TBCE: variants seen among roughly 807,000 people sequenced by gnomAD.
The protein encoded by TBCE is tubulin-specific chaperone E.
A neutral mutation model predicts 77.0 loss-of-function variants in TBCE; 53 were observed. That is an observed-to-expected ratio of 0.69 (90% CI 0.55 to 0.87). The LOEUF (loss-of-function observed/expected upper bound fraction) is 0.87, where lower values mean the gene tolerates loss of function less well. Ranked by LOEUF, TBCE falls within the 40% of genes least tolerant of loss-of-function variation. TBCE has a pLI of 0.00. For synonymous variants in TBCE, 235 were observed against 241.3 expected (o/e 0.97, Z 0.24); for missense variants, 624 against 622.4 (o/e 1.00, Z -0.03).
chr1:235,432,514 TCA>T (rs1175869404), intron 7 of TBCE, among the ~76,000 whole-genome samples: 2 of 152,250 alleles, frequency 1.3e-5, no homozygotes, highest in Non-Finnish European at 2.9e-5. Flanking sequence ...GCACTGGGGC[TCA>T]CACCTGCAAT....
At chr1:235,394,082 T>C (rs1481365133) in intron 2 of TBCE, among the ~76,000 whole-genome samples, 1 of 152,134 alleles carries the variant, frequency 6.6e-6, no homozygotes, top group Admixed American at 6.6e-5. Context: ...TTTATTTTTA[T>C]TTATTTTTTT....
Position 235,448,220 on chromosome 1 carries a change from C to CCA in TBCE, c.1400-129_1400-128insCA, listed in dbSNP as rs71576473. ...CTTAAGTAAGTAAGTAAGTCAGTCT[C>CCA]AAAAAAAAAAAAAAAAAAAAGACAG... On this transcript the variant is annotated intron_variant, in intron 15 of 16. Coordinates refer to ENST00000642610, the MANE Select transcript of TBCE (RefSeq NM_003193.5). 17 of 531,028 alleles carry CCA rather than the reference C, an allele frequency of 3.2e-5. No homozygotes were observed. In the African/African-American group the frequency reaches 3.7e-4, roughly 12 times the overall value. 32.9% of individuals were successfully genotyped at this position (531,028 alleles called of 1,614,324 possible). A position where few individuals can be genotyped will look rare whatever the true frequency, so the allele number is the denominator to read the frequency against.
At chr1:235,417,359 A>G (rs187051852) in intron 4 of TBCE, among the ~76,000 whole-genome samples, 1 of 152,354 alleles carries the variant, frequency 6.6e-6, no homozygotes, top group Admixed American at 6.5e-5. Context: ...AGTTCTTTTC[A>G]ATGATGTCAT....
In TBCE at chr1:235,449,019, T is replaced by A; in HGVS notation, c.*257T>A. The A allele has an allele frequency of 2.6e-6, 1 of 387,626 alleles. No individual in the cohort carries two copies. Among genetic ancestry groups the A allele is most frequent in the Non-Finnish European group, 4.9e-6 (1 of 206,098 alleles). The allele number at this position is 387,626 out of a possible 1,614,324, so 24.0% of individuals were successfully genotyped here. A position where few individuals can be genotyped will look rare whatever the true frequency, so the allele number is the denominator to read the frequency against. ...TATTTTTACAGCTCATCACTGCATT[T>A]CATGATAAGATTTAAATATTAAATA... On this transcript the variant is annotated 3_prime_UTR_variant, in exon 17 of 17. Coordinates refer to ENST00000642610, the MANE Select transcript of TBCE (RefSeq NM_003193.5).
chr1:235,430,685 T>C lies in TBCE; in HGVS notation c.561-20T>C. 2 of 1,566,820 alleles carry C rather than the reference T, an allele frequency of 1.3e-6. No homozygotes were observed. Among genetic ancestry groups the C allele is most frequent in the Non-Finnish European group, 1.8e-6 (2 of 1,140,148 alleles). ...TTACTGTATAGAAATAAGTACATTGTATCTTTTTTTTCTACACAGTGAAAA... is the reference window on the plus strand; with the variant it reads ...TTACTGTATAGAAATAAGTACATTGCATCTTTTTTTTCTACACAGTGAAAA... On this transcript the variant is annotated intron_variant, in intron 6 of 16. Coordinates refer to ENST00000642610, the MANE Select transcript of TBCE (RefSeq NM_003193.5).
rs138014826 is a variant in TBCE at position 235,436,590 on chromosome 1, C to T, written c.945C>T (p.Asn315=). Reference sequence around the variant, plus strand: ...CATCCTTGAAGTACCTGGTAGTAAACGACAATCAGATATCACAAGTAAGAG... The same window carrying T: ...CATCCTTGAAGTACCTGGTAGTAAATGACAATCAGATATCACAAGTAAGAG... The part of the protein sequence containing the change: ...MFPSLKYLVV[N]DNQISQWSFF... The change falls in exon 11 of 17, where the codon AAC becomes AAT. Residue 315 remains asparagine, a synonymous_variant. Coordinates refer to ENST00000642610, the MANE Select transcript of TBCE (RefSeq NM_003193.5). 1.0e-4 allele frequency: 168 copies of T among 1,613,796 alleles called. No individual in the cohort carries two copies. In the African/African-American group the frequency reaches 1.9e-3, roughly 18 times the overall value.
At chr1:235,369,290 C>T (rs1425431304) in intron 1 of TBCE, among the ~76,000 whole-genome samples, 2 of 151,724 alleles carry the variant, frequency 1.3e-5, no homozygotes, top group Non-Finnish European at 2.9e-5. Context: ...GGGTGGATCA[C>T]GAGGTCAAGA....
chr1:235,441,054 C>T (rs1471175411), intron 13 of TBCE: 1 of 152,370 alleles, frequency 6.6e-6, no homozygotes, highest in Non-Finnish European at 1.5e-5. Flanking sequence ...TTTCAAATGA[C>T]TCCATTAGCC....
At chr1:235,446,197 A>G (rs1232850753) in intron 15 of TBCE, among the ~76,000 whole-genome samples, 1 of 150,916 alleles carries the variant, frequency 6.6e-6, no homozygotes, top group Non-Finnish European at 1.5e-5. Context: ...TTTTTTTGAG[A>G]CGGAGTCTCA....
intron 1 of TBCE, among the ~76,000 whole-genome samples, chr1:235,372,944 A>AAG (rs1166845575): frequency 1.1e-4 from 16 of 151,208 alleles, no homozygotes; most frequent in Non-Finnish European, 1.3e-4. Flanking sequence ...AAAAAAAAAA[A>AAG]AGAGAGAAAT....
chr1:235,385,330 C>G (rs565983791), intron 2 of TBCE, among the ~76,000 whole-genome samples: 2,957 of 151,820 alleles, frequency 0.019, 106 homozygotes, highest in African/African-American at 0.068. Flanking sequence ...ATGTCTATTA[C>G]GTCCGCTTGG....
At chr1:235,437,217 C>A in intron 11 of TBCE, 105 bp from the exon 12 acceptor site, 1 of 1,383,408 alleles carries the variant, frequency 7.2e-7, no homozygotes, top group Non-Finnish European at 1.0e-6. Flanking sequence ...AAATTCCCTG[C>A]CTCAGATTAG....
At chr1:235,435,895 C>A in intron 9 of TBCE, 55 bp downstream of exon 9, 1 of 1,453,654 alleles carries the variant, frequency 6.9e-7, no homozygotes. Context: ...CTTAGTGAAG[C>A]AGTTTTCATA....
intron 15 of TBCE, among the ~76,000 whole-genome samples, chr1:235,445,148 C>T (rs1463059605): frequency 6.6e-6 from 1 of 152,230 alleles, no homozygotes; most frequent in Non-Finnish European, 1.5e-5. Flanking sequence ...GAATCTGAGT[C>T]CTATATTCTA....
rs1400319415 is a variant in TBCE at position 235,435,760 on chromosome 1, CCAGA to C, written c.757_760del (p.Thr253SerfsTer4). 1 of 1,614,096 alleles carries C rather than the reference CCAGA, an allele frequency of 6.2e-7. No homozygotes were observed. The highest frequency in any genetic ancestry group is 1.3e-5 in the African/African-American group (1 of 75,038). ...TTCCATACAGGCCAACAGATGTTCT[CCAGA>C]CAGTCAAGTTATTAGATCTTTCCTC... On this transcript the variant is annotated frameshift_variant, in exon 9 of 17. Coordinates refer to ENST00000642610, the MANE Select transcript of TBCE (RefSeq NM_003193.5). LOFTEE classifies it high-confidence loss of function.
intron 2 of TBCE, among the ~76,000 whole-genome samples, chr1:235,381,362 A>G (rs1677626296): frequency 6.6e-6 from 1 of 152,104 alleles, no homozygotes; most frequent in East Asian, 1.9e-4. Flanking sequence ...CTAGTTTCCA[A>G]GTTTTACTAA....
intron 12 of TBCE, 133 bp from the exon 13 acceptor site, chr1:235,438,636 A>G: frequency 9.7e-7 from 1 of 1,035,204 alleles, no homozygotes; most frequent in Non-Finnish European, 1.5e-6. Context: ...AAGAAGGGTG[A>G]AAACTAGATC....
At chr1:235,379,818 G>A (rs150564864) in intron 1 of TBCE, among the ~76,000 whole-genome samples, 1 of 151,682 alleles carries the variant, frequency 6.6e-6, no homozygotes, top group Non-Finnish European at 1.5e-5. Flanking sequence ...GTGTGGTGAA[G>A]CACATCTGTG....
chr1:235,391,450 AC>A (rs1243281022), intron 2 of TBCE, among the ~76,000 whole-genome samples: 3 of 149,954 alleles, frequency 2.0e-5, no homozygotes, highest in Non-Finnish European at 4.4e-5. Context: ...GCACCACTGC[AC>A]CCCAGCCTGG....
Sources: allele counts gnomAD v4.1 joint callset (sites outside exome capture counted in the v4.1 genomes callset), GRCh38; gene constraint gnomAD v4.1.1; transcripts MANE v1.5; gene names NCBI Gene and HGNC (gene_info 2026-07-23, HGNC 2026-07-21).